CRB1: variants seen among roughly 807,000 people sequenced by gnomAD.
CRB1 encodes the protein crumbs cell polarity complex component 1, also known as protein crumbs homolog 1.
A neutral mutation model predicts 120.0 loss-of-function variants in CRB1; 83 were observed. That is an observed-to-expected ratio of 0.69 (90% CI 0.58 to 0.83). CRB1 has a LOEUF of 0.83. Ranked by LOEUF, CRB1 falls within the 40% of genes least tolerant of loss-of-function variation. The pLI is 0.00. For synonymous variants in CRB1, 625 were observed against 612.5 expected (o/e 1.02, Z -0.30); for missense variants, 1,699 against 1,687.6 (o/e 1.01, Z -0.12).
chr1:197,309,794 A>AAATAAATT (rs1368449456), intron 1 of CRB1, among the ~76,000 whole-genome samples: 2 of 149,444 alleles, frequency 1.3e-5, no homozygotes, highest in African/African-American at 2.5e-5. Context: ...ATAAATAAAT[A>AAATAAATT]AATTTACTTA....
the CRB1 span, among the ~76,000 whole-genome samples, chr1:197,255,471 T>C: frequency 6.6e-5 from 10 of 152,058 alleles, no homozygotes; most frequent in Non-Finnish European, 1.5e-5. Flanking sequence ...TCTAAATTAT[T>C]TGATGTGAAT....
chr1:197,442,191 G>T lies in CRB1; in HGVS notation c.3904G>T (p.Ala1302Ser). Reference protein sequence around the residue: ...EWCEKDIDECASDPCVNGGLC... With the variant: ...EWCEKDIDECSSDPCVNGGLC... ...GTGTGAAAAGGACATTGATGAGTGT[G>T]CCTCTGATCCGTGTGTCAATGGAGG... Residue 1302 changes from alanine (A) to serine (S), a missense_variant, in exon 11 of 12, where the codon GCC (alanine) becomes TCC (serine). Ala to Ser is a moderately conservative substitution (Grantham distance 99). Coordinates refer to ENST00000367400, the MANE Select transcript of CRB1 (RefSeq NM_201253.3). The T allele has an allele frequency of 6.2e-7, 1 of 1,614,148 alleles. No individual in the cohort carries two copies. The highest frequency in any genetic ancestry group is 8.5e-7 in the Non-Finnish European group (1 of 1,180,026).
chr1:197,347,310 G>C (rs1224107742), intron 3 of CRB1, 30 bp from the exon 4 acceptor site: 1 of 1,602,398 alleles, frequency 6.2e-7, no homozygotes, highest in East Asian at 2.2e-5. Flanking sequence ...ATGACTAAGA[G>C]TTGACATGAA....
intron 6 of CRB1, 38 bp from the exon 7 acceptor site, chr1:197,427,416 C>T: frequency 6.3e-7 from 1 of 1,582,650 alleles, no homozygotes; most frequent in Non-Finnish European, 8.7e-7. Flanking sequence ...TAAGATGTTT[C>T]TTTTTTTTTC....
chr1:197,249,944 T>C, the CRB1 span, among the ~76,000 whole-genome samples: 3 of 152,134 alleles, frequency 2.0e-5, no homozygotes, highest in Middle Eastern at 0.01. Flanking sequence ...TGAGTGACCC[T>C]GGGAAGGTTT....
chr1:197,256,002 A>G, the CRB1 span, among the ~76,000 whole-genome samples: 1 of 61,278 alleles, frequency 1.6e-5, no homozygotes, highest in Non-Finnish European at 4.0e-5. Context: ...TATATACACT[A>G]CAATATGAAT....
At chr1:197,418,183 T>A (rs1276536427) in intron 5 of CRB1, among the ~76,000 whole-genome samples, 2 of 152,102 alleles carry the variant, frequency 1.3e-5, no homozygotes, top group East Asian at 1.9e-4. Flanking sequence ...TTGTTATTAA[T>A]TTTTTTGTTC....
chr1:197,298,337 A>G (rs1386698055), intron 1 of CRB1, among the ~76,000 whole-genome samples: 1 of 152,086 alleles, frequency 6.6e-6, no homozygotes, highest in Non-Finnish European at 1.5e-5. Flanking sequence ...ATGGATGTAG[A>G]TAAGTCTATA....
At chr1:197,311,715 G>GTGTGTA (rs1553246876) in intron 1 of CRB1, among the ~76,000 whole-genome samples, 8 of 150,592 alleles carry the variant, frequency 5.3e-5, no homozygotes, top group Admixed American at 2.0e-4. Flanking sequence ...GTGTGTGTGT[G>GTGTGTA]TGTGTGTGTG....
chr1:197,416,800 C>A (rs942424056), intron 5 of CRB1, among the ~76,000 whole-genome samples: 3 of 152,096 alleles, frequency 2.0e-5, no homozygotes, highest in South Asian at 2.1e-4. Flanking sequence ...ACCTCCGCCT[C>A]CCAGATTCAA....
At chr1:197,385,606 T>C (rs1343247700) in intron 5 of CRB1, among the ~76,000 whole-genome samples, 1 of 152,090 alleles carries the variant, frequency 6.6e-6, no homozygotes, top group Non-Finnish European at 1.5e-5. Context: ...GTATTATTGT[T>C]ATACTATTAT....
At chr1:197,352,972 A>G (rs1660192279) in intron 4 of CRB1, among the ~76,000 whole-genome samples, 1 of 152,190 alleles carries the variant, frequency 6.6e-6, no homozygotes, top group Non-Finnish European at 1.5e-5. Context: ...GAGTAGTACT[A>G]GTGATTGAAG....
At chr1:197,304,829 C>T (rs1162687789) in intron 1 of CRB1, among the ~76,000 whole-genome samples, 2 of 152,224 alleles carry the variant, frequency 1.3e-5, no homozygotes, top group African/African-American at 4.8e-5. Flanking sequence ...CAATCCTACC[C>T]ATTCACCAGT....
the CRB1 span, among the ~76,000 whole-genome samples, chr1:197,255,836 G>A: frequency 6.6e-6 from 1 of 151,262 alleles, no homozygotes; most frequent in Non-Finnish European, 1.5e-5. Flanking sequence ...CATAGATTAT[G>A]AAACAAACTC....
At chr1:197,250,056 A>C in the CRB1 span, among the ~76,000 whole-genome samples, 39 of 152,142 alleles carry the variant, frequency 2.6e-4, no homozygotes, top group Non-Finnish European at 4.9e-4. Context: ...GCTTTTCAGT[A>C]AGAGCAAATA....
chr1:197,277,793 A>G (rs1443204642), intron 1 of CRB1, among the ~76,000 whole-genome samples: 3 of 151,886 alleles, frequency 2.0e-5, no homozygotes, highest in African/African-American at 7.2e-5. Flanking sequence ...CTAGGTCTCC[A>G]ATTTCTCACT....
rs1417370819 is a variant in CRB1, at chr1:197,328,878, C to T, written c.527C>T (p.Pro176Leu). 1.2e-6 allele frequency: 2 copies of T among 1,614,172 alleles called. No individual in the cohort carries two copies. Among genetic ancestry groups the T allele is most frequent in the Non-Finnish European group, 1.7e-6 (2 of 1,180,022 alleles). Residue 176 changes from proline (P) to leucine (L), a missense_variant, in exon 2 of 12, where the codon CCA (proline) becomes CTA (leucine). Physicochemically the swap from Pro to Leu is moderately conservative, Grantham distance 98. Transcript: ENST00000367400. ...GATGGTTACTCCTGCTTCTGTGTCC[C>T]AGGATATCAAGGCAGACACTGCGAC... The part of the protein sequence containing the change: ...GIDGYSCFCV[P>L]GYQGRHCDLE...
the CRB1 span, among the ~76,000 whole-genome samples, chr1:197,215,740 A>G: frequency 2.6e-5 from 4 of 152,156 alleles, no homozygotes; most frequent in South Asian, 2.1e-4. Flanking sequence ...CCCTTCCACC[A>G]TGACTGTATG....
intron 11 of CRB1, among the ~76,000 whole-genome samples, chr1:197,450,092 C>G (rs1167856489): frequency 6.6e-6 from 1 of 152,176 alleles, no homozygotes; most frequent in African/African-American, 2.4e-5. Context: ...CAGGTCGATG[C>G]ATACTTTTGG....
Sources: allele counts gnomAD v4.1 joint callset (sites outside exome capture counted in the v4.1 genomes callset), GRCh38; gene constraint gnomAD v4.1.1; transcripts MANE v1.5; gene names NCBI Gene and HGNC (gene_info 2026-07-23, HGNC 2026-07-21).